The following MCC variants were observed in gnomAD, a reference collection of about 807,000 sequenced individuals.
MCC encodes the protein colorectal mutant cancer protein.
MCC carries 90 observed loss-of-function variants against 116.2 expected under a neutral mutation model. The observed-to-expected ratio is 0.77, with a 90% CI of 0.65 to 0.92. The LOEUF (loss-of-function observed/expected upper bound fraction) is 0.92, where lower values mean the gene tolerates loss of function less well. Ranked by LOEUF, MCC falls within the 40% of genes least tolerant of loss-of-function variation. MCC has a pLI of 0.00. For missense variants in MCC, 1,516 were observed against 1,312.2 expected (o/e 1.16, Z -2.40); for synonymous variants, 578 against 510.5 (o/e 1.13, Z -1.78).
chr5:113,311,882 C>A (rs1767142500), intron 3 of MCC, among the ~76,000 whole-genome samples: 2 of 151,764 alleles, frequency 1.3e-5, no homozygotes, highest in South Asian at 4.2e-4. Context: ...CTGAGGCGGG[C>A]AGATCACAAG....
intron 3 of MCC, among the ~76,000 whole-genome samples, chr5:113,276,501 A>G (rs1211907028): frequency 1.3e-5 from 2 of 152,170 alleles, no homozygotes; most frequent in Admixed American, 1.3e-4. Flanking sequence ...TCTGCCCTAA[A>G]GATATTAGAA....
chr5:113,028,816 G>T, intron 18 of MCC, 118 bp downstream of exon 18: 1 of 1,236,316 alleles, frequency 8.1e-7, no homozygotes, highest in Non-Finnish European at 1.1e-6. Flanking sequence ...CCACTTTCTA[G>T]AGTTAGTTCT....
In MCC at chr5:113,089,611, G is replaced by T. The variant is rs143014517; in HGVS notation, c.1399-4301C>A. Among the ~76,000 whole-genome samples, 622 of 152,346 alleles carry T rather than the reference G, an allele frequency of 4.1e-3. 6 individuals are homozygous for T. The highest frequency in any genetic ancestry group is 0.014 in the African/African-American group (575 of 41,578). On this transcript the variant is annotated intron_variant, in intron 8 of 18. Transcript: ENST00000408903. The stretch of plus-strand genomic sequence containing the variant: ...TGTACAGACGGAAATGTTCTAGAGT[G>T]GCACTATCTGCTATGGTAGCCTGGT...
chr5:113,068,810 C>T (rs1753812913), intron 12 of MCC, among the ~76,000 whole-genome samples: 1 of 152,174 alleles, frequency 6.6e-6, no homozygotes, highest in African/African-American at 2.4e-5. Flanking sequence ...ATCCTCCAAT[C>T]CCCCACTGAG....
intron 2 of MCC, among the ~76,000 whole-genome samples, chr5:113,353,868 C>A (rs1225200715): frequency 2.6e-5 from 4 of 152,164 alleles, no homozygotes; most frequent in Non-Finnish European, 2.9e-5. Flanking sequence ...ATGGAGAATT[C>A]TTTAATCATT....
At chr5:113,357,618 C>A (rs1417562593) in intron 2 of MCC, among the ~76,000 whole-genome samples, 1 of 152,180 alleles carries the variant, frequency 6.6e-6, no homozygotes, top group Non-Finnish European at 1.5e-5. Flanking sequence ...CCGATAAGAT[C>A]TCAGGAGTTG....
At chr5:113,200,698 C>A (rs1429478996) in intron 3 of MCC, among the ~76,000 whole-genome samples, 3 of 152,064 alleles carry the variant, frequency 2.0e-5, no homozygotes, top group Non-Finnish European at 4.4e-5. Flanking sequence ...AAAAGCCTAG[C>A]CAACCTTATA....
intron 1 of MCC, among the ~76,000 whole-genome samples, chr5:113,393,718 C>T (rs1309767829): frequency 6.6e-6 from 1 of 152,182 alleles, no homozygotes; most frequent in Non-Finnish European, 1.5e-5. Context: ...ATTTTCTTTT[C>T]TGCAAAGGCA....
chr5:113,063,365 G>A lies in MCC; in HGVS notation c.2213+619C>T, dbSNP rs987656810. ...CAAGGTCTTCGCCGCTCTCTTCCTA[G>A]CTTCCTTTTTCAAGCACCCACTTTA... On this transcript the variant is annotated intron_variant, in intron 14 of 18. Transcript: ENST00000408903. Among the ~76,000 whole-genome samples the A allele has an allele frequency of 3.3e-5, 5 of 152,196 alleles. No homozygotes were observed. The South Asian group carries it at 8.3e-4, about 25-fold the overall frequency.
intron 14 of MCC, among the ~76,000 whole-genome samples, chr5:113,063,186 A>G (rs1753342094): frequency 6.6e-6 from 1 of 152,234 alleles, no homozygotes; most frequent in South Asian, 2.1e-4. Flanking sequence ...TCTCTAACAA[A>G]GTGTCTTCTA....
intron 3 of MCC, among the ~76,000 whole-genome samples, chr5:113,193,408 G>T (rs1028903005): frequency 6.6e-6 from 1 of 152,130 alleles, no homozygotes; most frequent in Non-Finnish European, 1.5e-5. Flanking sequence ...ATTATATTAA[G>T]CTATTTGAGA....
At chr5:113,324,219 A>G (rs1302211152) in intron 3 of MCC, among the ~76,000 whole-genome samples, 1 of 152,174 alleles carries the variant, frequency 6.6e-6, no homozygotes, top group African/African-American at 2.4e-5. Context: ...CAAATTTAGG[A>G]AGGAGTTTCT....
In MCC at chr5:113,357,931, T is replaced by C. The variant is rs1050150312; in HGVS notation, c.416-17201A>G. ...TCTCTCAAGTTGCCCACTGGCCTTC[T>C]TCCAAGTGCACTTTACTTCCTTTTG... On this transcript the variant is annotated intron_variant, in intron 2 of 18. Coordinates refer to ENST00000408903, the MANE Select transcript of MCC (RefSeq NM_001085377.2). Among the ~76,000 whole-genome samples the C allele has an allele frequency of 2.6e-5, 4 of 152,330 alleles. No homozygotes were observed. The East Asian group carries it at 7.7e-4, about 29-fold the overall frequency.
chr5:113,453,786 T>G (rs1225951184), intron 1 of MCC, among the ~76,000 whole-genome samples: 2 of 152,172 alleles, frequency 1.3e-5, no homozygotes, highest in African/African-American at 2.4e-5. Context: ...TTAGTTTGGT[T>G]GTTTAAAAAA....
intron 8 of MCC, among the ~76,000 whole-genome samples, chr5:113,093,415 C>T (rs1755778879): frequency 6.6e-6 from 1 of 152,062 alleles, no homozygotes; most frequent in Non-Finnish European, 1.5e-5. Context: ...CCACTGCATT[C>T]CAGCCTGGGC....
At chr5:113,059,932 A>G (rs1753101893) in intron 14 of MCC, among the ~76,000 whole-genome samples, 2 of 151,920 alleles carry the variant, frequency 1.3e-5, no homozygotes, top group African/African-American at 2.4e-5. Context: ...ATCCCTCTCC[A>G]CCATGCCCCA....
At chr5:113,195,031 C>A (rs1488036651) in intron 3 of MCC, among the ~76,000 whole-genome samples, 1 of 152,186 alleles carries the variant, frequency 6.6e-6, no homozygotes, top group Non-Finnish European at 1.5e-5. Flanking sequence ...CCAGAAGCAT[C>A]CATGCCCATT....
intron 5 of MCC, among the ~76,000 whole-genome samples, chr5:113,137,968 T>C (rs1758938704): frequency 6.6e-6 from 1 of 151,972 alleles, no homozygotes; most frequent in Non-Finnish European, 1.5e-5. Flanking sequence ...CCTGTAGCTA[T>C]AAGGGATGGG....
At chr5:113,120,543 C>A (rs1485824274) in intron 6 of MCC, among the ~76,000 whole-genome samples, 1 of 152,208 alleles carries the variant, frequency 6.6e-6, no homozygotes, top group Non-Finnish European at 1.5e-5. Context: ...CTTTGGCTGG[C>A]TGACTGGTGG....
Sources: gnomAD v4.1 joint callset for allele counts (sites outside exome capture counted in the v4.1 genomes callset) on GRCh38, gnomAD v4.1.1 for gene constraint, MANE v1.5 for transcripts, NCBI Gene and HGNC (gene_info 2026-07-23, HGNC 2026-07-21) for gene names.